CCNL1: variants seen among roughly 807,000 people sequenced by gnomAD.
The protein encoded by CCNL1 is cyclin L1, also known as cyclin-L1.
CCNL1 carries 13 observed loss-of-function variants against 60.6 expected under a neutral mutation model. That is an observed-to-expected ratio of 0.21 (90% CI 0.14 to 0.34). The LOEUF (loss-of-function observed/expected upper bound fraction) is 0.34. Ranked by LOEUF, CCNL1 falls within the 10% of genes least tolerant of loss-of-function variation. CCNL1 has a pLI of 1.00. For synonymous variants in CCNL1, 270 were observed against 244.3 expected (o/e 1.10, Z -0.98); for missense variants, 481 against 664.3 (o/e 0.72, Z 3.03).
intron 3 of CCNL1, among the ~76,000 whole-genome samples, chr3:157,158,387 T>G (rs1055483076): frequency 1.3e-5 from 2 of 152,252 alleles, no homozygotes; most frequent in Non-Finnish European, 2.9e-5. Context: ...AGTTCAATGT[T>G]GAGAAGTACT....
intron 5 of CCNL1, chr3:157,150,869 T>A (rs1470372074): frequency 2.0e-6 from 2 of 985,030 alleles, no homozygotes; most frequent in African/African-American, 3.5e-5. Flanking sequence ...CAAGTTAAAC[T>A]TATATTAAGA....
At chr3:157,154,561 G>A (rs565943043) in intron 3 of CCNL1, 2 of 152,186 alleles carry the variant, frequency 1.3e-5, no homozygotes, top group South Asian at 2.1e-4. Flanking sequence ...TTCAATACAT[G>A]CACCGAAGGT....
At position 157,159,827 on chromosome 3, in the gene CCNL1, T is replaced by G; in HGVS notation, c.268A>C (p.Ile90Leu). Reference protein sequence around the residue: ...TDLRILGCELIQAAGILLRLP... With the variant: ...TDLRILGCELLQAAGILLRLP... ...CGGAGGAGAATGCCGGCGGCCTGGA[T>G]GAGCTCGCAGCCCAGGATGCGTAAG... Residue 90 changes from isoleucine (I) to leucine (L), a missense_variant, in exon 1 of 11, where the codon ATC becomes CTC. By Grantham distance (5) the Ile-to-Leu change is conservative. Coordinates refer to ENST00000295926, the MANE Select transcript of CCNL1 (RefSeq NM_020307.4). 6.5e-7 allele frequency: 1 copy of G among 1,545,192 alleles called. No individual in the cohort carries two copies. Among genetic ancestry groups the G allele is most frequent in the Non-Finnish European group, 8.8e-7 (1 of 1,141,106 alleles).
At position 157,147,994 on chromosome 3, in the gene CCNL1, A is replaced by C. The variant is rs1737862256; in HGVS notation, c.*247T>G. The C allele has an allele frequency of 8.0e-7, 1 of 1,254,594 alleles. No homozygotes were observed. Among genetic ancestry groups the C allele is most frequent in the South Asian group, 2.9e-5 (1 of 34,908 alleles). 77.7% of individuals were successfully genotyped at this position (1,254,594 alleles called of 1,614,324 possible). ...CAGTTCTTATAGCAATAAACAATAC[A>C]CAACTATAATAAAGTACAATTGAAC... On this transcript the variant is annotated 3_prime_UTR_variant, in exon 11 of 11. Transcript: ENST00000295926.
intron 10 of CCNL1, 55 bp downstream of exon 10, chr3:157,149,232 A>G (rs1303031568): frequency 2.9e-6 from 4 of 1,364,970 alleles, no homozygotes; most frequent in Admixed American, 1.8e-5. Flanking sequence ...AAGAAAAAGC[A>G]ATAACCTTTA....
intron 3 of CCNL1, chr3:157,157,143 G>A (rs1487855220): frequency 7.9e-7 from 1 of 1,271,184 alleles, no homozygotes; most frequent in Non-Finnish European, 1.0e-6. Flanking sequence ...CAAGTTACGT[G>A]CTTGAGTAAA....
Position 157,147,790 on chromosome 3 carries a change from A to C in CCNL1, c.*451T>G. ...ATAATTTATTTAAATAAGGTATTTG[A>C]AGCAGTTTAGAAAAAACAAGATTTG... On this transcript the variant is annotated 3_prime_UTR_variant, in exon 11 of 11. Coordinates refer to ENST00000295926, the MANE Select transcript of CCNL1 (RefSeq NM_020307.4). The C allele has an allele frequency of 1.0e-6, 1 of 981,124 alleles. No individual in the cohort carries two copies. Among genetic ancestry groups the C allele is most frequent in the Non-Finnish European group, 1.2e-6 (1 of 825,672 alleles). 60.8% of individuals were successfully genotyped at this position (981,124 alleles called of 1,614,324 possible). A position where few individuals can be genotyped will look rare whatever the true frequency, so the allele number is the denominator to read the frequency against.
chr3:157,147,460 G>T, downstream of CCNL1: 1 of 406,608 alleles, frequency 2.5e-6, no homozygotes, highest in Non-Finnish European at 3.3e-6. Context: ...TAGTTACTAA[G>T]TTTTGGTTCA....
rs2108107648 is a variant in CCNL1, at chr3:157,148,230, G to A, written c.*11C>T. 1.9e-6 allele frequency: 3 copies of A among 1,608,114 alleles called. No individual in the cohort carries two copies. The highest frequency in any genetic ancestry group is 1.7e-6 in the Non-Finnish European group (2 of 1,176,334). On this transcript the variant is annotated 3_prime_UTR_variant, in exon 11 of 11. Coordinates refer to ENST00000295926, the MANE Select transcript of CCNL1 (RefSeq NM_020307.4). ...AACCAAGAACTGATGCAGGCTCAAA[G>A]GAAGAGAAAGTCAGCGCCTGTGCCT...
At chr3:157,157,899 A>G (rs1336536266) in intron 3 of CCNL1, among the ~76,000 whole-genome samples, 1 of 152,196 alleles carries the variant, frequency 6.6e-6, no homozygotes, top group Non-Finnish European at 1.5e-5. Context: ...ACTCATATAG[A>G]ATACTAACAG....
At position 157,158,526 on chromosome 3, in the gene CCNL1, CAG is replaced by C. The variant is rs532946362; in HGVS notation, c.488+338_488+339del. On this transcript the variant is annotated intron_variant, in intron 3 of 10. Coordinates refer to ENST00000295926, the MANE Select transcript of CCNL1 (RefSeq NM_020307.4). ...TTTAAACTTCCAGCCTTCAGTCTTC[CAG>C]AGAGGGGAGAGGAAAAATAACTTAC... is the stretch of plus-strand genomic sequence containing the variant. 1.8e-4 allele frequency: 30 copies of C among 170,032 alleles called. No homozygotes were observed. The South Asian group carries it at 3.5e-3, about 20-fold the overall frequency. 10.5% of individuals were successfully genotyped at this position (170,032 alleles called of 1,614,324 possible).
chr3:157,146,627 A>AT, downstream of CCNL1: 3 of 367,528 alleles, frequency 8.2e-6, no homozygotes, highest in Admixed American at 3.8e-5. Context: ...AAAAAAAAAA[A>AT]GTTAAAAAAA....
chr3:157,158,832 C>CA (rs1560202834), intron 3 of CCNL1, 34 bp downstream of exon 3: 1 of 1,336,304 alleles, frequency 7.5e-7, no homozygotes, highest in Non-Finnish European at 1.1e-6. Context: ...ACAGCAGTAG[C>CA]AAGAGATACT....
chr3:157,146,398 C>A (rs1737783195), downstream of CCNL1: 2 of 333,804 alleles, frequency 6.0e-6, no homozygotes, highest in Non-Finnish European at 1.2e-5. Flanking sequence ...CTTTAACATA[C>A]AAACCTCATT....
chr3:157,153,502 A>C (rs1738356509), intron 3 of CCNL1: 1 of 180,706 alleles, frequency 5.5e-6, no homozygotes, highest in Non-Finnish European at 1.2e-5. Context: ...CACAAACCTC[A>C]AAGTCTCTCC....
downstream of CCNL1, among the ~76,000 whole-genome samples, chr3:157,145,455 A>AAAAAAAAAAAAAAAAAAAAAAAAAC (rs1737753226): frequency 5.4e-5 from 8 of 148,346 alleles, no homozygotes. Flanking sequence ...AAAAAAAAAA[A>AAAAAAAAAAAAAAAAAAAAAAAAAC]AAAAAAAAAC....
chr3:157,158,900 C>T lies in CCNL1; in HGVS notation c.454G>A (p.Val152Ile), dbSNP rs1738834552. ...CTTAACTGGCGGAGGTGGTGGAATA[C>T]ATTAATCACATCTCTTATTCTTCTA... is the stretch of plus-strand genomic sequence containing the variant. ...APRRIRDVIN[V>I]FHHLRQLRGK... Residue 152 changes from valine (V) to isoleucine (I), a missense_variant, in exon 3 of 11, where the codon GTA becomes ATA. Transcript: ENST00000295926. 6.2e-7 allele frequency: 1 copy of T among 1,613,096 alleles called. No individual in the cohort carries two copies. The highest frequency in any genetic ancestry group is 8.5e-7 in the Non-Finnish European group (1 of 1,179,414).
chr3:157,149,759 C>A, intron 8 of CCNL1, 77 bp downstream of exon 8: 1 of 1,547,572 alleles, frequency 6.5e-7, no homozygotes, highest in Non-Finnish European at 8.7e-7. Flanking sequence ...CTCTATGCAA[C>A]TTTCAAATGT....
Position 157,148,428 on chromosome 3 carries a change from T to C in CCNL1, c.1394A>G (p.His465Arg), listed in dbSNP as rs1737902735. The C allele has an allele frequency of 4.3e-6, 7 of 1,614,212 alleles. No individual in the cohort carries two copies. The highest frequency in any genetic ancestry group is 5.9e-6 in the Non-Finnish European group (7 of 1,180,042). ...DDLKSSNRHG[H>R]KRKKSRSRSQ... ...TCGAGAACGAGATTTTTTCCTTTTA[T>C]GACCATGTCTGTTTGAACTTTTTAA... The change falls in exon 11 of 11, where the codon CAT becomes CGT. Residue 465 changes from histidine (H) to arginine (R), a missense_variant. Physicochemically the swap from His to Arg is conservative, Grantham distance 29 (BLOSUM62 0). Around this residue, in one of 5 missense-constraint regions of CCNL1, gnomAD observed 197 missense variants for 233.9 expected, o/e 0.84. Coordinates refer to ENST00000295926, the MANE Select transcript of CCNL1 (RefSeq NM_020307.4).
Sources: allele counts gnomAD v4.1 joint callset (sites outside exome capture counted in the v4.1 genomes callset), GRCh38; gene constraint gnomAD v4.1.1; regional missense constraint gnomAD v4.1.1; transcripts MANE v1.5; gene names NCBI Gene and HGNC (gene_info 2026-07-23, HGNC 2026-07-21).